Variants in APP observed in about 807,000 individuals in gnomAD.
The protein encoded by APP is amyloid-beta precursor protein.
Under a neutral mutation model 101.4 loss-of-function variants are expected in APP, and 31 were observed. The observed-to-expected ratio is 0.31, with a 90% CI of 0.23 to 0.41. APP has a LOEUF of 0.41. APP is among the 10% of genes least tolerant of loss of function. APP has a pLI of 1.00. For synonymous variants in APP, 366 were observed against 364.4 expected (o/e 1.00, Z -0.05); for missense variants, 839 against 1,003.7 (o/e 0.84, Z 2.22).
intron 5 of APP, among the ~76,000 whole-genome samples, chr21:26,028,048 T>C (rs1029409752): frequency 6.6e-6 from 1 of 151,654 alleles, no homozygotes; most frequent in Non-Finnish European, 1.5e-5. Context: ...TACAAAAAAT[T>C]AGCTGGACGT....
At position 26,170,717 on chromosome 21, in the gene APP, C is replaced by A; in HGVS notation, c.-97G>T. 7.9e-7 allele frequency: 1 copy of A among 1,267,682 alleles called. No individual in the cohort carries two copies. Among genetic ancestry groups the A allele is most frequent in the Non-Finnish European group, 1.0e-6 (1 of 961,680 alleles). The allele number at this position is 1,267,682 out of a possible 1,614,324, so 78.5% of individuals were successfully genotyped here. A position where few individuals can be genotyped will look rare whatever the true frequency, so the allele number is the denominator to read the frequency against. On this transcript the variant is annotated 5_prime_UTR_variant, in exon 1 of 18. Coordinates refer to ENST00000346798, the MANE Select transcript of APP (RefSeq NM_000484.4). Reference sequence around the variant, plus strand: ...CCGCCACCGCCGCCGTCTCCCGGGGCCCCCGCGCACGCTCCTCCGCGTGCT... The same window carrying A: ...CCGCCACCGCCGCCGTCTCCCGGGGACCCCGCGCACGCTCCTCCGCGTGCT...
chr21:26,131,530 G>A (rs1220723889), intron 1 of APP, among the ~76,000 whole-genome samples: 1 of 152,188 alleles, frequency 6.6e-6, no homozygotes, highest in Non-Finnish European at 1.5e-5. Flanking sequence ...ACAGTGTAAT[G>A]GAGGCATGCT....
rs144671236 is a variant in APP, at chr21:26,078,053, C to T, written c.355+11890G>A. Among the ~76,000 whole-genome samples, 1,512 of 152,190 alleles carry T rather than the reference C, an allele frequency of 9.9e-3. 14 individuals are homozygous for T. Among genetic ancestry groups the T allele is most frequent in the Non-Finnish European group, 0.016 (1,101 of 67,984 alleles). ...CTGTAGATTCATCTTTATGTCGTTT[C>T]TTATATCCATGATGCTTATTTGTGT... On this transcript the variant is annotated intron_variant, in intron 3 of 17. Transcript: ENST00000346798.
chr21:25,887,147 C>T (rs1043381103), intron 17 of APP, among the ~76,000 whole-genome samples: 1 of 152,104 alleles, frequency 6.6e-6, no homozygotes, highest in African/African-American at 2.4e-5. Flanking sequence ...TTAAAGGTGA[C>T]ATGTCTGGGG....
intron 16 of APP, among the ~76,000 whole-genome samples, chr21:25,892,766 CTTTATCTACTTGAATGAAA>C (rs1402660757): frequency 6.6e-6 from 1 of 152,098 alleles, no homozygotes; most frequent in Non-Finnish European, 1.5e-5. Flanking sequence ...TATTTTTCAA[CTTTATCTACTTGAATGAAA>C]TTATAGAAGC....
At chr21:26,062,677 T>TAAATAAATAAATAAAG (rs1042358229) in intron 3 of APP, among the ~76,000 whole-genome samples, 1 of 151,220 alleles carries the variant, frequency 6.6e-6, no homozygotes, top group African/African-American at 2.4e-5. Context: ...AATAAATAAA[T>TAAATAAATAAATAAAG]AAATAAATAA....
intron 3 of APP, among the ~76,000 whole-genome samples, chr21:26,066,449 A>T (rs2046456637): frequency 6.6e-6 from 1 of 151,664 alleles, no homozygotes; most frequent in African/African-American, 2.4e-5. Context: ...CCTGCACACC[A>T]TTAAACAACT....
chr21:25,950,590 C>G (rs1283651596), intron 13 of APP, among the ~76,000 whole-genome samples: 12 of 152,048 alleles, frequency 7.9e-5, no homozygotes. Flanking sequence ...CCATGTTGGC[C>G]ACGCTGGTCT....
chr21:26,076,708 C>T (rs536839252), intron 3 of APP, among the ~76,000 whole-genome samples: 19 of 152,288 alleles, frequency 1.2e-4, no homozygotes, highest in African/African-American at 4.6e-4. Flanking sequence ...CACAGTTTAG[C>T]TTTATCTAAT....
At chr21:26,037,442 T>C (rs1425130921) in intron 5 of APP, among the ~76,000 whole-genome samples, 1 of 152,236 alleles carries the variant, frequency 6.6e-6, no homozygotes, top group African/African-American at 2.4e-5. Context: ...CTGATCACTG[T>C]GTACCCTGTA....
At chr21:25,999,773 T>C (rs1601162590) in intron 7 of APP, among the ~76,000 whole-genome samples, 1 of 152,190 alleles carries the variant, frequency 6.6e-6, no homozygotes, top group Non-Finnish European at 1.5e-5. Flanking sequence ...TTGCAAGACA[T>C]ATGTGCTACA....
At chr21:25,977,219 G>T (rs2042256763) in intron 9 of APP, among the ~76,000 whole-genome samples, 1 of 152,182 alleles carries the variant, frequency 6.6e-6, no homozygotes, top group African/African-American at 2.4e-5. Flanking sequence ...CTGCACCTCT[G>T]TATGTTGTTC....
chr21:26,103,588 G>C (rs2062112886), intron 2 of APP, among the ~76,000 whole-genome samples: 1 of 152,016 alleles, frequency 6.6e-6, no homozygotes, highest in African/African-American at 2.4e-5. Context: ...GCGATGGAGT[G>C]AGATCCCGTC....
chr21:26,051,543 C>T (rs2045840246), intron 4 of APP, among the ~76,000 whole-genome samples: 1 of 152,172 alleles, frequency 6.6e-6, no homozygotes, highest in Admixed American at 6.5e-5. Flanking sequence ...ATTCGTGTAT[C>T]CAGAAATTGT....
At chr21:25,956,569 A>G (rs45469395) in intron 11 of APP, among the ~76,000 whole-genome samples, 1 of 152,358 alleles carries the variant, frequency 6.6e-6, no homozygotes, top group Non-Finnish European at 1.5e-5. Context: ...TTTCTTCTTC[A>G]TTAAAACAAA....
chr21:26,094,606 G>T (rs2061900327), intron 2 of APP, among the ~76,000 whole-genome samples: 2 of 148,234 alleles, frequency 1.3e-5, no homozygotes, highest in Admixed American at 6.7e-5. Context: ...CATTTATAAA[G>T]ATATAAATAT....
intron 6 of APP, among the ~76,000 whole-genome samples, chr21:26,011,511 G>T (rs2043805211): frequency 6.6e-6 from 1 of 152,088 alleles, no homozygotes; most frequent in Non-Finnish European, 1.5e-5. Context: ...GGTGCTGCTG[G>T]CATCGAGTAG....
chr21:26,038,226 C>A (rs114165487), intron 5 of APP, among the ~76,000 whole-genome samples: 1 of 150,788 alleles, frequency 6.6e-6, no homozygotes, highest in South Asian at 2.1e-4. Context: ...TGATTACTAC[C>A]AAAACTAATT....
At position 26,040,570 on chromosome 21, in the gene APP, C is replaced by A. The variant is rs567925166; in HGVS notation, c.662+10430G>T. ...TGAGCCCAAATCACACCACTGCACT[C>A]CAGCCTGGGCAACAGAGTGAGACTC... On this transcript the variant is annotated intron_variant, in intron 5 of 17. Transcript: ENST00000346798. Among the ~76,000 whole-genome samples the A allele has an allele frequency of 2.0e-5, 3 of 150,954 alleles. No homozygotes were observed. The South Asian group carries it at 6.3e-4, about 32-fold the overall frequency.
Sources: allele counts gnomAD v4.1 joint callset (sites outside exome capture counted in the v4.1 genomes callset), GRCh38; gene constraint gnomAD v4.1.1; transcripts MANE v1.5; gene names NCBI Gene and HGNC (gene_info 2026-07-23, HGNC 2026-07-21).